The following BBS9 variants were observed in gnomAD, a reference collection of about 807,000 sequenced individuals.
BBS9 encodes Bardet-Biedl syndrome 9.
In BBS9, 89 loss-of-function variants were observed where a neutral mutation model predicts 117.7. The observed-to-expected ratio is 0.76, with a 90% CI of 0.64 to 0.90. BBS9 has a LOEUF of 0.90. Ranked by LOEUF, BBS9 falls within the 40% of genes least tolerant of loss-of-function variation. BBS9 has a pLI of 0.00. For missense variants in BBS9, 982 were observed against 1,042.2 expected, an observed-to-expected ratio of 0.94 and a Z score of 0.80; for synonymous variants, 379 against 370.9, an observed-to-expected ratio of 1.02 and a Z score of -0.25.
At chr7:33,189,884 A>T (rs1348805509) in intron 5 of BBS9, among the ~76,000 whole-genome samples, 3 of 56,330 alleles carry the variant, frequency 5.3e-5, no homozygotes, top group African/African-American at 1.5e-4. Context: ...ACTCTGTCTT[A>T]AAAAAAAAAA....
chr7:33,565,953 G>A (rs1484445475), intron 21 of BBS9, among the ~76,000 whole-genome samples: 1 of 149,070 alleles, frequency 6.7e-6, no homozygotes, highest in Admixed American at 6.7e-5. Flanking sequence ...AAGAGATGGT[G>A]TCCCAGTATC....
At chr7:33,353,512 C>T (rs1413638093) in intron 15 of BBS9, among the ~76,000 whole-genome samples, 1 of 152,002 alleles carries the variant, frequency 6.6e-6, no homozygotes, top group Non-Finnish European at 1.5e-5. Context: ...AGGTTTTGAG[C>T]TTTTTGAGGG....
intron 21 of BBS9, among the ~76,000 whole-genome samples, chr7:33,543,709 GGTGTTCTTT>G: frequency 6.6e-6 from 1 of 152,192 alleles, no homozygotes; most frequent in South Asian, 2.1e-4. Flanking sequence ...GAATTTCCCA[GGTGTTCTTT>G]GAACTTCTTG....
chr7:33,253,696 G>A (rs1158744814), intron 5 of BBS9, among the ~76,000 whole-genome samples: 1 of 152,170 alleles, frequency 6.6e-6, no homozygotes, highest in Admixed American at 6.5e-5. Flanking sequence ...AGGCTCTGCT[G>A]TCCACAATAC....
intron 17 of BBS9, among the ~76,000 whole-genome samples, chr7:33,377,667 TC>T (rs1288265826): frequency 1.3e-5 from 2 of 152,218 alleles, no homozygotes; most frequent in Admixed American, 1.3e-4. Flanking sequence ...GAATGTTTTT[TC>T]CATTTGTTTG....
chr7:33,158,458 G>A (rs1307345332), intron 4 of BBS9, among the ~76,000 whole-genome samples: 2 of 151,944 alleles, frequency 1.3e-5, no homozygotes, highest in Non-Finnish European at 2.9e-5. Flanking sequence ...GCTTTTTTAG[G>A]GAGAAAATGG....
chr7:33,285,097 AATAG>A (rs142118984), intron 9 of BBS9, among the ~76,000 whole-genome samples: 2,440 of 152,270 alleles, frequency 0.016, 69 homozygotes, highest in African/African-American at 0.055. Flanking sequence ...TTTAGAAGTC[AATAG>A]ATAGTGTAGA....
rs186989051 is a variant in BBS9 at position 33,308,978 on chromosome 7, A to T, written c.1017-27463A>T. Among the ~76,000 whole-genome samples, 295 of 152,320 alleles carry T rather than the reference A, an allele frequency of 1.9e-3. 1 individual carries two copies. Among genetic ancestry groups the T allele is most frequent in the South Asian group, 3.5e-3 (17 of 4,830 alleles). ...AGTTGCTTTTTGGCACAAGGAAAGA[A>T]TATGGACTTTGGAATCAGAGTGAGC... is the stretch of plus-strand genomic sequence containing the variant. On this transcript the variant is annotated intron_variant, in intron 9 of 22. Transcript: ENST00000242067.
intron 19 of BBS9, among the ~76,000 whole-genome samples, chr7:33,441,404 T>C (rs1836159264): frequency 6.6e-6 from 1 of 152,212 alleles, no homozygotes; most frequent in Non-Finnish European, 1.5e-5. Flanking sequence ...CTAGATTGAT[T>C]TGCAAAAAAT....
chr7:33,379,591 A>G (rs1024519819), intron 17 of BBS9, among the ~76,000 whole-genome samples: 5 of 152,178 alleles, frequency 3.3e-5, no homozygotes, highest in Non-Finnish European at 7.3e-5. Flanking sequence ...ATGACAGTAA[A>G]TCGTATGCTA....
At chr7:33,425,327 A>T (rs1303835593) in intron 19 of BBS9, among the ~76,000 whole-genome samples, 1 of 152,202 alleles carries the variant, frequency 6.6e-6, no homozygotes, top group African/African-American at 2.4e-5. Flanking sequence ...TAATACAAAC[A>T]GGCACACTTT....
intron 5 of BBS9, among the ~76,000 whole-genome samples, chr7:33,228,828 CT>C (rs886300653): frequency 4.6e-5 from 7 of 152,058 alleles, no homozygotes; most frequent in Non-Finnish European, 1.0e-4. Flanking sequence ...GAGGTGACCC[CT>C]CTTCAGGTAA....
chr7:33,321,394 T>C (rs1434588809), intron 9 of BBS9, among the ~76,000 whole-genome samples: 1 of 152,162 alleles, frequency 6.6e-6, no homozygotes, highest in Non-Finnish European at 1.5e-5. Flanking sequence ...TTTTCTGTCC[T>C]CTTCAATTTG....
chr7:33,539,952 T>A (rs1479143384), intron 21 of BBS9, among the ~76,000 whole-genome samples: 1 of 152,232 alleles, frequency 6.6e-6, no homozygotes, highest in Non-Finnish European at 1.5e-5. Context: ...TAGTGTTAAA[T>A]GCAGGAGGAT....
chr7:33,583,511 T>A (rs954687484), intron 21 of BBS9, among the ~76,000 whole-genome samples: 1 of 152,156 alleles, frequency 6.6e-6, no homozygotes, highest in Non-Finnish European at 1.5e-5. Flanking sequence ...TTGAAAGCCA[T>A]TTTATCCAAG....
chr7:33,336,915 G>A (rs1057242038), intron 10 of BBS9, among the ~76,000 whole-genome samples: 2 of 152,126 alleles, frequency 1.3e-5, no homozygotes, highest in Non-Finnish European at 2.9e-5. Flanking sequence ...ACTTCTTTGG[G>A]TGGTGGTTTT....
chr7:33,235,258 C>T (rs1793262392), intron 5 of BBS9, among the ~76,000 whole-genome samples: 1 of 151,952 alleles, frequency 6.6e-6, no homozygotes, highest in Non-Finnish European at 1.5e-5. Context: ...TGACAGGATT[C>T]AGATCTGAGG....
chr7:33,219,397 G>A (rs1789756388), intron 5 of BBS9, among the ~76,000 whole-genome samples: 1 of 152,238 alleles, frequency 6.6e-6, no homozygotes, highest in Non-Finnish European at 1.5e-5. Flanking sequence ...TCCACCTGCA[G>A]CCCCAGTGCA....
At position 33,491,422 on chromosome 7, in the gene BBS9, T is replaced by C. The variant is rs568979107; in HGVS notation, c.2116-14041T>C. Among the ~76,000 whole-genome samples, 62 of 152,336 alleles carry C rather than the reference T, an allele frequency of 4.1e-4. 1 individual carries two copies. In the South Asian group the frequency reaches 7.0e-3, roughly 17 times the overall value. On this transcript the variant is annotated intron_variant, in intron 19 of 22. Coordinates refer to ENST00000242067, the MANE Select transcript of BBS9 (RefSeq NM_198428.3). The stretch of plus-strand genomic sequence containing the variant: ...ATTATGGAATTAAGGAAATCTATTA[T>C]TGGCTCTGCCTCACAACTGGTATTC...
Sources: allele counts gnomAD v4.1 joint callset (sites outside exome capture counted in the v4.1 genomes callset), GRCh38; gene constraint gnomAD v4.1.1; transcripts MANE v1.5; gene names NCBI Gene and HGNC (gene_info 2026-07-23, HGNC 2026-07-21).